The following PRRC2B variants were observed in gnomAD, a reference collection of about 807,000 sequenced individuals.
PRRC2B encodes the protein protein PRRC2B.
A neutral mutation model predicts 242.3 loss-of-function variants in PRRC2B; 68 were observed. The ratio of observed to expected loss-of-function variants is 0.28; its 90% confidence interval spans 0.23 to 0.34. The LOEUF (loss-of-function observed/expected upper bound fraction) is 0.34, where lower values mean the gene tolerates loss of function less well. Ranked by LOEUF, PRRC2B falls within the 10% of genes least tolerant of loss-of-function variation. The pLI, the probability that PRRC2B is intolerant of heterozygous loss-of-function variation, is 1.00. For missense variants in PRRC2B, 2,835 were observed against 2,954.8 expected (o/e 0.96, Z 0.94); for synonymous variants, 1,228 against 1,173.6 (o/e 1.05, Z -0.95).
chr9:131,392,243 C>T (rs553816324), upstream of PRRC2B, among the ~76,000 whole-genome samples: 5 of 151,264 alleles, frequency 3.3e-5, no homozygotes, highest in Non-Finnish European at 4.4e-5. Context: ...GGATTACAGG[C>T]GACTGCCACC....
At chr9:131,380,606 G>A (rs988790019) in intron 1 of PRRC2B, among the ~76,000 whole-genome samples, 1 of 151,348 alleles carries the variant, frequency 6.6e-6, no homozygotes, top group South Asian at 2.1e-4. Context: ...AAGGCCGGCC[G>A]CAGTGGCTCA....
intron 25 of PRRC2B, 82 bp from the exon 26 acceptor site, chr9:131,486,003 C>T: frequency 2.1e-6 from 2 of 961,644 alleles, no homozygotes; most frequent in Non-Finnish European, 1.6e-6. Flanking sequence ...TAGAGCAGAC[C>T]TGTAGACTGT....
Position 131,474,984 on chromosome 9 carries a change from T to C in PRRC2B, c.2855T>C (p.Val952Ala), listed in dbSNP as rs774494216. 1.4e-5 allele frequency: 22 copies of C among 1,598,300 alleles called. No individual in the cohort carries two copies. In the South Asian group the frequency reaches 2.5e-4, roughly 18 times the overall value. Residue 952 changes from valine to alanine, a missense_variant, in exon 16 of 32, where the codon GTG becomes GCG. Val to Ala is a moderately conservative substitution (Grantham distance 64). Around this residue, in one of 7 missense-constraint regions of PRRC2B, gnomAD observed 1,536 missense variants for 1,483.1 expected, o/e 1.04. Coordinates refer to ENST00000683519, the MANE Select transcript of PRRC2B (RefSeq NM_013318.4). Reference protein sequence around the residue: ...IKKPVLKALKVEDKEKELEKI... With the variant: ...IKKPVLKALKAEDKEKELEKI... ...AAACCAGTCCTGAAAGCCCTCAAGG[T>C]GGAAGACAAGGAGAAGGAGCTTGAG...
chr9:131,461,115 C>CT (rs769451786), intron 11 of PRRC2B, among the ~76,000 whole-genome samples: 63 of 152,344 alleles, frequency 4.1e-4, no homozygotes, highest in Non-Finnish European at 8.1e-4. Flanking sequence ...CAGGGAGAAT[C>CT]TATCTCTCAT....
chr9:131,386,724 T>C (rs555761082), intron 1 of PRRC2B, among the ~76,000 whole-genome samples: 1 of 150,054 alleles, frequency 6.7e-6, no homozygotes, highest in South Asian at 2.1e-4. Flanking sequence ...CATTGAGCAC[T>C]CACTATTTGC....
intron 1 of PRRC2B, among the ~76,000 whole-genome samples, chr9:131,423,989 G>A (rs1375602735): frequency 6.6e-6 from 1 of 151,580 alleles, no homozygotes; most frequent in East Asian, 1.9e-4. Flanking sequence ...AGGCTGTAGT[G>A]CAGTGGCCCA....
In PRRC2B at chr9:131,459,312, C is replaced by A. The variant is rs1391813096; in HGVS notation, c.1360C>A (p.Pro454Thr). The stretch of plus-strand genomic sequence containing the variant: ...CCGAAAGGCGCCAGACCCTCAGCCA[C>A]CGCCCAGGAAGCTTCATGGCTGGGC... ...VVRKAPDPQPPPRKLHGWAPG... is the reference protein window; with the variant it reads ...VVRKAPDPQPTPRKLHGWAPG... The change falls in exon 11 of 32, where the codon CCG (proline) becomes ACG (threonine). Residue 454 changes from proline to threonine, a missense_variant. By Grantham distance (38) the Pro-to-Thr change is conservative. Transcript: ENST00000683519. 7.4e-6 allele frequency: 12 copies of A among 1,613,748 alleles called. No homozygotes were observed. The Admixed American group carries it at 1.0e-4, about 13-fold the overall frequency.
At chr9:131,467,189 C>T (rs1943421164) in intron 12 of PRRC2B, among the ~76,000 whole-genome samples, 1 of 152,194 alleles carries the variant, frequency 6.6e-6, no homozygotes, top group African/African-American at 2.4e-5. Flanking sequence ...CCCGCCTCAG[C>T]CTCCCAAAGT....
chr9:131,397,563 G>GTTTTTTTTTTTT (rs58424444), intron 1 of PRRC2B, among the ~76,000 whole-genome samples: 20 of 98,984 alleles, frequency 2.0e-4, no homozygotes, highest in African/African-American at 2.9e-4. Flanking sequence ...ACTTTTGAGG[G>GTTTTTTTTTTTT]TTTTTTTTTT....
intron 11 of PRRC2B, among the ~76,000 whole-genome samples, chr9:131,462,128 C>T (rs371915906): frequency 6.6e-6 from 1 of 152,162 alleles, no homozygotes; most frequent in Admixed American, 6.5e-5. Flanking sequence ...CTACTCATAA[C>T]AGCACTGTAA....
In PRRC2B at chr9:131,496,091, A is replaced by G; in HGVS notation, c.*217A>G. ...CCCGCTTGCTTTGATACGAAACAAA[A>G]AAGCAGACGACTCCTTCATCCCATC... On this transcript the variant is annotated 3_prime_UTR_variant, in exon 32 of 32. Coordinates refer to ENST00000683519, the MANE Select transcript of PRRC2B (RefSeq NM_013318.4). 1.7e-6 allele frequency: 1 copy of G among 584,050 alleles called. No homozygotes were observed. The highest frequency in any genetic ancestry group is 3.0e-6 in the Non-Finnish European group (1 of 337,628). 36.2% of individuals were successfully genotyped at this position (584,050 alleles called of 1,614,324 possible).
In PRRC2B at chr9:131,416,943, A is replaced by G. The variant is rs553869006; in HGVS notation, c.-51-13151A>G. Among the ~76,000 whole-genome samples the G allele has an allele frequency of 1.4e-4, 22 of 152,278 alleles. No homozygotes were observed. The South Asian group carries it at 3.3e-3, about 23-fold the overall frequency. Reference sequence around the variant, plus strand: ...TATGAGGATATTAATTTTATAATACATATTTTTAATCTTTGATCTCTGGCA... The same window carrying G: ...TATGAGGATATTAATTTTATAATACGTATTTTTAATCTTTGATCTCTGGCA... On this transcript the variant is annotated intron_variant, in intron 1 of 31. Transcript: ENST00000683519.
intron 1 of PRRC2B, among the ~76,000 whole-genome samples, chr9:131,397,513 T>C (rs1837095604): frequency 1.3e-5 from 2 of 151,894 alleles, no homozygotes; most frequent in African/African-American, 4.8e-5. Flanking sequence ...TCTTTTGAAT[T>C]TCAGTTCTCT....
intron 11 of PRRC2B, among the ~76,000 whole-genome samples, chr9:131,463,190 T>C (rs1054520967): frequency 1.3e-5 from 2 of 152,190 alleles, no homozygotes; most frequent in African/African-American, 2.4e-5. Flanking sequence ...TCCAATGATA[T>C]TATATAAAAT....
chr9:131,458,134 C>T (rs938791427), intron 10 of PRRC2B, among the ~76,000 whole-genome samples: 2 of 152,050 alleles, frequency 1.3e-5, no homozygotes, highest in Non-Finnish European at 2.9e-5. Context: ...CATGCTGTGT[C>T]GGCTCTGCTT....
chr9:131,401,454 T>A (rs1474220744), intron 1 of PRRC2B, among the ~76,000 whole-genome samples: 1 of 151,592 alleles, frequency 6.6e-6, no homozygotes, highest in African/African-American at 2.4e-5. Flanking sequence ...CGATCTTGGC[T>A]CACTGCAACC....
chr9:131,419,488 G>T (rs188109346), intron 1 of PRRC2B, among the ~76,000 whole-genome samples: 1 of 152,182 alleles, frequency 6.6e-6, no homozygotes, highest in African/African-American at 2.4e-5. Flanking sequence ...GCTGGGGAAC[G>T]GAGGCTTCCC....
chr9:131,448,543 CAAAAAAAAAAAAAAAA>C (rs754661321), intron 9 of PRRC2B, among the ~76,000 whole-genome samples: 1 of 39,874 alleles, frequency 2.5e-5, no homozygotes, highest in Admixed American at 2.7e-4. Context: ...GACACTGTCT[CAAAAAAAAAAAAAAAA>C]AAAAAAAAAA....
In PRRC2B at chr9:131,483,374, T is replaced by C. The variant is rs1464807715; in HGVS notation, c.5389T>C (p.Leu1797=). ...GVSPKDSDFS[L]PPGSASGPTG... Reference sequence around the variant, plus strand: ...ATTTTTTCAGGACTCCGATTTCAGCTTGCCACCTGGTTCTGCCTCTGGTCC... The same window carrying C: ...ATTTTTTCAGGACTCCGATTTCAGCCTGCCACCTGGTTCTGCCTCTGGTCC... The change falls in exon 23 of 32, where the codon TTG becomes CTG. Residue 1797 remains leucine, a synonymous_variant. Transcript: ENST00000683519. The C allele has an allele frequency of 1.9e-6, 3 of 1,614,018 alleles. No homozygotes were observed. Among genetic ancestry groups the C allele is most frequent in the Non-Finnish European group, 8.5e-7 (1 of 1,179,898 alleles).
Sources: allele counts gnomAD v4.1 joint callset (sites outside exome capture counted in the v4.1 genomes callset), GRCh38; gene constraint gnomAD v4.1.1; regional missense constraint gnomAD v4.1.1; transcripts MANE v1.5; gene names NCBI Gene and HGNC (gene_info 2026-07-23, HGNC 2026-07-21).